Variants in RPS6KC1 observed in about 807,000 individuals in gnomAD.
RPS6KC1 encodes ribosomal protein S6 kinase C1, also known as inactive ribosomal protein S6 kinase delta-1.
A neutral mutation model predicts 103.8 loss-of-function variants in RPS6KC1; 54 were observed. The ratio of observed to expected loss-of-function variants is 0.52; its 90% CI spans 0.42 to 0.65. The LOEUF is 0.65. Ranked by LOEUF, RPS6KC1 falls within the 30% of genes least tolerant of loss-of-function variation. The pLI, the probability that RPS6KC1 is intolerant of heterozygous loss-of-function variation, is 0.00. For synonymous variants in RPS6KC1, 439 were observed against 438.7 expected, an observed-to-expected ratio of 1.00 and a Z score of -0.01; for missense variants, 1,151 against 1,253.8, an observed-to-expected ratio of 0.92 and a Z score of 1.24.
At chr1:213,301,336 T>C in the RPS6KC1 span, among the ~76,000 whole-genome samples, 1 of 152,194 alleles carries the variant, frequency 6.6e-6, no homozygotes, top group Non-Finnish European at 1.5e-5. Context: ...ATTGTGTTGC[T>C]TCAAAAATAA....
the RPS6KC1 span, among the ~76,000 whole-genome samples, chr1:213,803,338 C>G: frequency 6.6e-6 from 1 of 151,176 alleles, no homozygotes; most frequent in Non-Finnish European, 1.5e-5. Context: ...CCTCTGCCTC[C>G]CGCGTTCAAG....
At chr1:213,594,119 C>A in the RPS6KC1 span, among the ~76,000 whole-genome samples, 5 of 152,136 alleles carry the variant, frequency 3.3e-5, no homozygotes, top group Admixed American at 3.3e-4. Context: ...CCTACCTCAG[C>A]CTCCCAAAGT....
chr1:213,687,596 G>C, the RPS6KC1 span, among the ~76,000 whole-genome samples: 2 of 152,174 alleles, frequency 1.3e-5, no homozygotes, highest in Admixed American at 1.3e-4. Flanking sequence ...GAACCATAGA[G>C]GGAAATGCCA....
chr1:213,475,344 T>C, the RPS6KC1 span, among the ~76,000 whole-genome samples: 1 of 152,190 alleles, frequency 6.6e-6, no homozygotes, highest in Non-Finnish European at 1.5e-5. Flanking sequence ...TGTCCCCCCT[T>C]TCAAAGGCAT....
At chr1:213,540,441 T>G in the RPS6KC1 span, among the ~76,000 whole-genome samples, 3 of 152,216 alleles carry the variant, frequency 2.0e-5, no homozygotes, top group Admixed American at 2.0e-4. Context: ...CCTCCTGGGC[T>G]CAAGTGATCT....
chr1:213,193,620 C>A (rs1030894232), intron 8 of RPS6KC1, among the ~76,000 whole-genome samples: 1 of 151,658 alleles, frequency 6.6e-6, no homozygotes, highest in Non-Finnish European at 1.5e-5. Flanking sequence ...GTATTGAGGT[C>A]TATAGTTTTT....
intron 6 of RPS6KC1, among the ~76,000 whole-genome samples, chr1:213,155,600 A>C (rs925312426): frequency 6.6e-6 from 1 of 151,580 alleles, no homozygotes; most frequent in African/African-American, 2.4e-5. Flanking sequence ...TCTCATAGAC[A>C]CTCTCTGCAC....
At chr1:213,421,899 G>A in the RPS6KC1 span, among the ~76,000 whole-genome samples, 1 of 152,200 alleles carries the variant, frequency 6.6e-6, no homozygotes, top group African/African-American at 2.4e-5. Flanking sequence ...TGGTAATAGT[G>A]CCAACCTCAT....
At chr1:213,742,108 T>C in the RPS6KC1 span, among the ~76,000 whole-genome samples, 1 of 152,196 alleles carries the variant, frequency 6.6e-6, no homozygotes, top group Non-Finnish European at 1.5e-5. Context: ...CTTTTCTCCA[T>C]GTTCTCCACG....
the RPS6KC1 span, among the ~76,000 whole-genome samples, chr1:213,652,861 C>G: frequency 9.2e-5 from 14 of 152,162 alleles, no homozygotes; most frequent in Non-Finnish European, 1.8e-4. Context: ...AGCCAGCCAA[C>G]CCTCAGAGTC....
chr1:213,057,350 A>G (rs1558231088), intron 1 of RPS6KC1, among the ~76,000 whole-genome samples: 2 of 152,140 alleles, frequency 1.3e-5, no homozygotes, highest in South Asian at 4.1e-4. Context: ...TCAAGTATTG[A>G]TTTTTAAATT....
chr1:213,729,480 A>G, the RPS6KC1 span, among the ~76,000 whole-genome samples: 1 of 152,208 alleles, frequency 6.6e-6, no homozygotes, highest in Non-Finnish European at 1.5e-5. Flanking sequence ...TGATGCAAAA[A>G]TAGCTTCCTT....
the RPS6KC1 span, among the ~76,000 whole-genome samples, chr1:213,645,241 T>C: frequency 6.6e-6 from 1 of 152,212 alleles, no homozygotes; most frequent in African/African-American, 2.4e-5. Context: ...AGAACGTTTT[T>C]GGGTTTTTTT....
At chr1:213,176,554 C>A in intron 8 of RPS6KC1, 62 bp downstream of exon 8, 2 of 1,072,616 alleles carry the variant, frequency 1.9e-6, no homozygotes, top group Non-Finnish European at 2.8e-6. Flanking sequence ...GACATTCTGT[C>A]TTTGAAGCTT....
At chr1:213,520,846 T>A in the RPS6KC1 span, among the ~76,000 whole-genome samples, 1 of 152,240 alleles carries the variant, frequency 6.6e-6, no homozygotes, top group Non-Finnish European at 1.5e-5. Flanking sequence ...AACATTTATT[T>A]TTAAATTGTC....
At chr1:213,486,853 G>C in the RPS6KC1 span, among the ~76,000 whole-genome samples, 1 of 152,210 alleles carries the variant, frequency 6.6e-6, no homozygotes, top group Non-Finnish European at 1.5e-5. Context: ...AAAAGTTTCA[G>C]ATTCTGTGTT....
chr1:213,265,446 TC>T (rs1046621916), intron 14 of RPS6KC1, among the ~76,000 whole-genome samples: 1 of 152,210 alleles, frequency 6.6e-6, no homozygotes. Flanking sequence ...TTTATGTGTT[TC>T]CTGAAATACT....
the RPS6KC1 span, among the ~76,000 whole-genome samples, chr1:213,344,267 T>G: frequency 6.6e-6 from 1 of 152,176 alleles, no homozygotes; most frequent in Non-Finnish European, 1.5e-5. Flanking sequence ...AAGAGGAATG[T>G]TTTTAAGAAA....
intron 8 of RPS6KC1, among the ~76,000 whole-genome samples, chr1:213,201,107 C>T (rs1459854411): frequency 1.3e-5 from 2 of 152,118 alleles, no homozygotes; most frequent in Admixed American, 1.3e-4. Flanking sequence ...TGCACATGTA[C>T]CCCTGAACTT....
Sources: allele counts gnomAD v4.1 joint callset (sites outside exome capture counted in the v4.1 genomes callset), GRCh38; gene constraint gnomAD v4.1.1; transcripts MANE v1.5; gene names NCBI Gene and HGNC (gene_info 2026-07-23, HGNC 2026-07-21).